The following DNAH2 variants were observed in gnomAD, a reference collection of about 807,000 sequenced individuals.
DNAH2 encodes the protein dynein axonemal heavy chain 2.
DNAH2 carries 323 observed loss-of-function variants against 523.5 expected under a neutral mutation model. The ratio of observed to expected loss-of-function variants is 0.62; its 90% CI spans 0.56 to 0.68. DNAH2 has a LOEUF of 0.68. Among genes scored for constraint, DNAH2 ranks in the 30% least tolerant of loss-of-function variants. The pLI is 0.00. For synonymous variants in DNAH2, 2,093 were observed against 2,177.4 expected, an observed-to-expected ratio of 0.96 and a Z score of 1.08; for missense variants, 4,907 against 5,701.5, an observed-to-expected ratio of 0.86 and a Z score of 4.49.
rs35788701 is a variant in DNAH2, at chr17:7,766,443, G to C, written c.3637G>C (p.Glu1213Gln). 6.2e-7 allele frequency: 1 copy of C among 1,613,846 alleles called. No homozygotes were observed. The highest frequency in any genetic ancestry group is 8.5e-7 in the Non-Finnish European group (1 of 1,179,908). Residue 1213 changes from glutamate to glutamine, a missense_variant, in exon 22 of 86, where the codon GAG becomes CAG. Glu to Gln is a conservative substitution (Grantham distance 29, BLOSUM62 2). This residue lies in a region of DNAH2 where 2,806 missense variants were observed against 3,190.8 expected (regional missense o/e 0.88). Coordinates refer to ENST00000572933, the MANE Select transcript of DNAH2 (RefSeq NM_020877.5). ...AGCCAACCTGGGCATCTTCAAGATC[G>C]AGCAGCCACCCTCCAAGGACCTTCA... ...LRANLGIFKI[E>Q]QPPSKDLQNL...
chr17:7,755,938 T>C (rs1376427779), intron 12 of DNAH2, among the ~76,000 whole-genome samples: 1 of 151,682 alleles, frequency 6.6e-6, no homozygotes, highest in East Asian at 2.0e-4. Flanking sequence ...TGATATCTCA[T>C]TTAATAAAGA....
At chr17:7,776,471 A>G (rs932161489) in intron 31 of DNAH2, among the ~76,000 whole-genome samples, 1 of 152,166 alleles carries the variant, frequency 6.6e-6, no homozygotes, top group South Asian at 2.1e-4. Flanking sequence ...GTCTAAAAAA[A>G]GAGAAAAAAA....
chr17:7,794,094 A>G (rs9903135), intron 48 of DNAH2, among the ~76,000 whole-genome samples, 160 bp from the exon 49 acceptor site: 150,247 of 152,154 alleles, frequency 0.99, 74,214 homozygotes, highest in East Asian at 1. Context: ...CCCCTGCCCT[A>G]CCACTCCATG....
chr17:7,774,368 T>C (rs1426756872), intron 28 of DNAH2, among the ~76,000 whole-genome samples: 1 of 152,156 alleles, frequency 6.6e-6, no homozygotes, highest in Non-Finnish European at 1.5e-5. Context: ...TGCATCACAC[T>C]ACTCAGAACA....
intron 12 of DNAH2, among the ~76,000 whole-genome samples, chr17:7,744,452 T>G (rs953274961): frequency 1.3e-5 from 2 of 152,016 alleles, no homozygotes; most frequent in Non-Finnish European, 2.9e-5. Flanking sequence ...AGAGGGCACA[T>G]TCTGGCTGAG....
Position 7,780,518 on chromosome 17 carries a change from T to A in DNAH2, c.5851-112T>A. The A allele has an allele frequency of 2.7e-6, 4 of 1,501,828 alleles. No homozygotes were observed. Among genetic ancestry groups the A allele is most frequent in the Non-Finnish European group, 2.7e-6 (3 of 1,103,386 alleles). The allele number at this position is 1,501,828 out of a possible 1,614,324, so 93.0% of individuals were successfully genotyped here. A position where few individuals can be genotyped will look rare whatever the true frequency, so the allele number is the denominator to read the frequency against. On this transcript the variant is annotated intron_variant, in intron 37 of 85. Coordinates refer to ENST00000572933, the MANE Select transcript of DNAH2 (RefSeq NM_020877.5). This position sits in a 1 kb window ranked among gnomAD's most constrained non-coding sequence, Gnocchi z 4.4. ...TCCTCAGGAGAATCCATAGAGTGCC[T>A]CCTAGCTGCTTCATGTCCTGGGACC... is the stretch of plus-strand genomic sequence containing the variant.
chr17:7,801,505 G>A, intron 56 of DNAH2, 73 bp from the exon 57 acceptor site: 1 of 1,595,272 alleles, frequency 6.3e-7, no homozygotes, highest in South Asian at 1.1e-5. Context: ...GTGAGTGGAT[G>A]CGTGTTGGGA....
intron 44 of DNAH2, among the ~76,000 whole-genome samples, chr17:7,788,940 G>A (rs2076820741): frequency 6.6e-6 from 1 of 152,202 alleles, no homozygotes; most frequent in South Asian, 2.1e-4. Context: ...CGAGGTGGGT[G>A]GATCACCTGA....
intron 39 of DNAH2, among the ~76,000 whole-genome samples, chr17:7,783,067 T>TTTTTGTTTTG (rs1368280842): frequency 1.3e-5 from 2 of 152,060 alleles, no homozygotes; most frequent in Admixed American, 1.3e-4. Flanking sequence ...GAGGACTGTT[T>TTTTTGTTTTG]TTTTGTTTTG....
At chr17:7,785,010 G>C (rs917532255) in intron 39 of DNAH2, among the ~76,000 whole-genome samples, 1 of 151,826 alleles carries the variant, frequency 6.6e-6, no homozygotes, top group Non-Finnish European at 1.5e-5. Context: ...TTAACAGACA[G>C]TGACAAAATA....
chr17:7,797,995 G>A (rs1473286068), intron 53 of DNAH2, among the ~76,000 whole-genome samples, 162 bp from the exon 54 acceptor site: 1 of 152,188 alleles, frequency 6.6e-6, no homozygotes. Context: ...GAAGGTGGAG[G>A]TTAAAAGTTG....
At position 7,801,598 on chromosome 17, in the gene DNAH2, C is replaced by T. The variant is rs140953967; in HGVS notation, c.8720C>T (p.Pro2907Leu). 5.6e-6 allele frequency: 9 copies of T among 1,614,064 alleles called. No homozygotes were observed. The African/African-American group carries it at 1.1e-4, about 19-fold the overall frequency. Residue 2907 changes from proline to leucine, a missense_variant, in exon 57 of 86, where the codon CCA becomes CTA. This residue lies in a region of DNAH2 where 1,851 missense variants were observed against 2,139.4 expected (regional missense o/e 0.87). Coordinates refer to ENST00000572933, the MANE Select transcript of DNAH2 (RefSeq NM_020877.5). The part of the protein sequence containing the change: ...DPFRNWIRQY[P>L]ALVNCTTINW... ...CCCAGGAACTGGATCCGCCAGTACC[C>T]AGCCTTGGTGAACTGCACAACCATC...
chr17:7,801,207 G>A (rs1299058946), intron 56 of DNAH2, among the ~76,000 whole-genome samples: 1 of 152,092 alleles, frequency 6.6e-6, no homozygotes, highest in Non-Finnish European at 1.5e-5. Flanking sequence ...GATACACGGT[G>A]TACTTACCAT....
Position 7,768,078 on chromosome 17 carries a change from G to A in DNAH2, c.3837+17G>A. On this transcript the variant is annotated intron_variant, in intron 23 of 85. Coordinates refer to ENST00000572933, the MANE Select transcript of DNAH2 (RefSeq NM_020877.5). ...GAGTATAAGGTGGGGAGAAACGGCG[G>A]GGAGGCGGAAGAGAAGCTGGTGGAG... 1 of 1,614,132 alleles carries A rather than the reference G, an allele frequency of 6.2e-7. No individual in the cohort carries two copies. Among genetic ancestry groups the A allele is most frequent in the Non-Finnish European group, 8.5e-7 (1 of 1,179,986 alleles).
In DNAH2 at chr17:7,727,168, C is replaced by A. The variant is rs374375369; in HGVS notation, c.275C>A (p.Ala92Glu). The A allele has an allele frequency of 5.0e-6, 8 of 1,600,826 alleles. No homozygotes were observed. The highest frequency in any genetic ancestry group is 6.8e-6 in the Non-Finnish European group (8 of 1,175,310). ...SRAALTGLAD[A>E]VWTQEHDAIL... ...GCTGCGCTGACAGGACTGGCGGATGCAGTGTGGACACAGGAGCATGATGCC... is the reference window on the plus strand; with the variant it reads ...GCTGCGCTGACAGGACTGGCGGATGAAGTGTGGACACAGGAGCATGATGCC... The change falls in exon 4 of 86, where the codon GCA (alanine) becomes GAA (glutamate). Residue 92 changes from alanine to glutamate, a missense_variant. Physicochemically the swap from Ala to Glu is moderately radical, Grantham distance 107 (BLOSUM62 -1). This residue lies in a region of DNAH2 where 2,806 missense variants were observed against 3,190.8 expected (regional missense o/e 0.88). Transcript: ENST00000572933.
intron 57 of DNAH2, 30 bp downstream of exon 57, chr17:7,801,740 A>G: frequency 6.2e-7 from 1 of 1,612,256 alleles, no homozygotes; most frequent in South Asian, 1.1e-5. Flanking sequence ...CTCTCATTGC[A>G]TCCCTGGCCT....
Position 7,776,896 on chromosome 17 carries a change from G to T in DNAH2, c.5058+7G>T. 6.2e-7 allele frequency: 1 copy of T among 1,606,124 alleles called. No homozygotes were observed. Among genetic ancestry groups the T allele is most frequent in the Non-Finnish European group, 8.5e-7 (1 of 1,174,630 alleles). ...GGTCATGAAGAAGAACCAGGTGAGA[G>T]GCTGGGCGCACTGGCTCATGCTTGT... On this transcript the variant is annotated splice_region_variant and intron_variant, in intron 32 of 85. Transcript: ENST00000572933.
chr17:7,803,136 A>G (rs760972490), intron 58 of DNAH2, among the ~76,000 whole-genome samples: 1 of 152,138 alleles, frequency 6.6e-6, no homozygotes, highest in Non-Finnish European at 1.5e-5. Context: ...CTCAAGTCTG[A>G]AATGGTCTAC....
At chr17:7,755,890 C>T (rs577062598) in intron 12 of DNAH2, among the ~76,000 whole-genome samples, 1 of 151,718 alleles carries the variant, frequency 6.6e-6, no homozygotes, top group East Asian at 2.0e-4. Context: ...ACCTCCACCT[C>T]CCAGGTTCAA....
Sources: gnomAD v4.1 joint callset for allele counts (sites outside exome capture counted in the v4.1 genomes callset) on GRCh38, gnomAD v4.1.1 for gene constraint, gnomAD v4.1.1 regional missense constraint, Gnocchi (gnomAD v3.1) non-coding constraint, MANE v1.5 for transcripts, NCBI Gene and HGNC (gene_info 2026-07-23, HGNC 2026-07-21) for gene names.